The following ALK variants were observed in gnomAD, a reference collection of about 807,000 sequenced individuals.
ALK encodes ALK tyrosine kinase receptor.
A neutral mutation model predicts 163.1 loss-of-function variants in ALK; 74 were observed. The ratio of observed to expected loss-of-function variants is 0.45; its 90% CI spans 0.38 to 0.55. ALK has a LOEUF of 0.55. Ranked by LOEUF, ALK falls within the 20% of genes least tolerant of loss-of-function variation. The pLI is 0.00. For missense variants in ALK, 2,063 were observed against 2,105.3 expected (o/e 0.98, Z 0.39); for synonymous variants, 960 against 843.2 (o/e 1.14, Z -2.40).
chr2:29,315,994 G>A (rs2339469), intron 8 of ALK, among the ~76,000 whole-genome samples: 47,757 of 151,988 alleles, frequency 0.31, 9,013 homozygotes, highest in East Asian at 0.62. Context: ...AGGCAACAGA[G>A]GCCCCTGTAG....
At chr2:29,666,074 A>C (rs1418510185) in intron 3 of ALK, among the ~76,000 whole-genome samples, 2 of 152,144 alleles carry the variant, frequency 1.3e-5, no homozygotes, top group Non-Finnish European at 1.5e-5. Flanking sequence ...TAATTTCCTG[A>C]GTAAAATTTC....
chr2:29,772,491 G>T (rs1027643134), intron 1 of ALK, among the ~76,000 whole-genome samples: 1 of 152,160 alleles, frequency 6.6e-6, no homozygotes, highest in South Asian at 2.1e-4. Flanking sequence ...ATGCAGGGGT[G>T]GGGTGGAGAA....
At chr2:29,467,765 CA>C (rs1671247365) in intron 4 of ALK, among the ~76,000 whole-genome samples, 1 of 152,110 alleles carries the variant, frequency 6.6e-6, no homozygotes, top group Non-Finnish European at 1.5e-5. Flanking sequence ...CAGAGTTTTC[CA>C]GAGGCTACCT....
intron 11 of ALK, 43 bp downstream of exon 11, chr2:29,275,056 A>G: frequency 6.2e-7 from 1 of 1,613,386 alleles, no homozygotes; most frequent in African/African-American, 1.3e-5. Flanking sequence ...TGCCTTTTGC[A>G]ACAAGAAGTT....
chr2:29,702,876 A>G (rs1678787256), intron 2 of ALK, among the ~76,000 whole-genome samples: 1 of 152,238 alleles, frequency 6.6e-6, no homozygotes. Context: ...GGTCTGTCCC[A>G]TGACATGTAG....
chr2:29,515,231 G>C (rs1672629486), intron 4 of ALK, among the ~76,000 whole-genome samples: 1 of 152,178 alleles, frequency 6.6e-6, no homozygotes. Flanking sequence ...CCCTGGCCTA[G>C]CTCAGGTCCC....
chr2:29,609,878 G>A (rs949550953), intron 3 of ALK, among the ~76,000 whole-genome samples: 6 of 152,102 alleles, frequency 3.9e-5, no homozygotes, highest in African/African-American at 1.2e-4. Flanking sequence ...CTGGCCTCAA[G>A]TGACCTTCCC....
intron 1 of ALK, among the ~76,000 whole-genome samples, chr2:29,804,769 A>G (rs2148367347): frequency 6.6e-6 from 1 of 152,214 alleles, no homozygotes; most frequent in East Asian, 1.9e-4. Flanking sequence ...CTTGGATGCT[A>G]ATCTGCCATG....
intron 1 of ALK, among the ~76,000 whole-genome samples, chr2:29,793,635 T>TAA (rs58772507): frequency 6.6e-6 from 1 of 152,080 alleles, no homozygotes; most frequent in African/African-American, 2.4e-5. Context: ...TTAGTAGGCA[T>TAA]AAAAAAATTA....
intron 4 of ALK, among the ~76,000 whole-genome samples, chr2:29,486,556 G>C (rs1485505998): frequency 6.6e-6 from 1 of 152,164 alleles, no homozygotes; most frequent in Non-Finnish European, 1.5e-5. Flanking sequence ...ACGTCTTGAA[G>C]TCAGCCATTA....
At chr2:29,544,946 A>T (rs1023097893) in intron 3 of ALK, among the ~76,000 whole-genome samples, 2 of 152,170 alleles carry the variant, frequency 1.3e-5, no homozygotes, top group African/African-American at 4.8e-5. Context: ...TTGGTGGTGG[A>T]TCTGCAATTA....
chr2:29,606,801 A>G (rs1675553009), intron 3 of ALK, among the ~76,000 whole-genome samples: 1 of 152,182 alleles, frequency 6.6e-6, no homozygotes, highest in African/African-American at 2.4e-5. Context: ...CTCTACAGAA[A>G]AGTCTGCCAA....
intron 1 of ALK, among the ~76,000 whole-genome samples, chr2:29,868,053 T>G (rs1666484290): frequency 6.6e-6 from 1 of 152,176 alleles, no homozygotes; most frequent in Admixed American, 6.5e-5. Flanking sequence ...AGCCTTGAGA[T>G]CATGCCCTAC....
chr2:29,727,043 T>C (rs1456312118), intron 1 of ALK, among the ~76,000 whole-genome samples: 1 of 152,198 alleles, frequency 6.6e-6, no homozygotes, highest in Non-Finnish European at 1.5e-5. Context: ...CAGAGATGCT[T>C]GCTGCATTCT....
At chr2:29,352,320 T>C (rs553974960) in intron 5 of ALK, among the ~76,000 whole-genome samples, 12 of 152,326 alleles carry the variant, frequency 7.9e-5, no homozygotes, top group Admixed American at 3.3e-4. Context: ...CAGGCAGAAA[T>C]GCCTTTAAAA....
At chr2:29,306,949 C>G (rs1018397541) in intron 8 of ALK, among the ~76,000 whole-genome samples, 2 of 152,218 alleles carry the variant, frequency 1.3e-5, no homozygotes, top group Non-Finnish European at 2.9e-5. Context: ...TTTTTCCTGC[C>G]TCTCGGAAGG....
chr2:29,891,092 A>G (rs567637134), intron 1 of ALK: 1 of 152,320 alleles, frequency 6.6e-6, no homozygotes, highest in African/African-American at 2.4e-5. Context: ...ACATAAATGA[A>G]AGCACATAGC....
intron 1 of ALK, among the ~76,000 whole-genome samples, chr2:29,880,007 C>A (rs1666814720): frequency 6.6e-6 from 1 of 152,198 alleles, no homozygotes; most frequent in Non-Finnish European, 1.5e-5. Context: ...TGTCCCATGG[C>A]AGATTTAAAG....
chr2:29,544,049 A>G (rs1249584295), intron 3 of ALK, among the ~76,000 whole-genome samples: 3 of 152,240 alleles, frequency 2.0e-5, no homozygotes, highest in African/African-American at 7.2e-5. Flanking sequence ...CCATAGTACA[A>G]TAAACTATTA....
Sources: allele counts gnomAD v4.1 joint callset (sites outside exome capture counted in the v4.1 genomes callset), GRCh38; gene constraint gnomAD v4.1.1; transcripts MANE v1.5; gene names NCBI Gene and HGNC (gene_info 2026-07-23, HGNC 2026-07-21).